Variants in KLHDC4 observed in about 807,000 individuals in gnomAD.
The protein encoded by KLHDC4 is kelch domain-containing protein 4.
A neutral mutation model predicts 62.4 loss-of-function variants in KLHDC4; 90 were observed. That is an observed-to-expected ratio of 1.44 (90% CI 1.22 to 1.72). The LOEUF (loss-of-function observed/expected upper bound fraction) is 1.72, where lower values mean the gene tolerates loss of function less well. KLHDC4 is among the 40% of genes most tolerant of loss of function. The pLI is 0.00. For missense variants in KLHDC4, 1,025 were observed against 699.7 expected (o/e 1.47, Z -5.25); for synonymous variants, 386 against 284.4 (o/e 1.36, Z -3.59).
At chr16:87,742,641 C>A (rs1465813307) in intron 5 of KLHDC4, among the ~76,000 whole-genome samples, 1 of 152,160 alleles carries the variant, frequency 6.6e-6, no homozygotes, top group Non-Finnish European at 1.5e-5. Flanking sequence ...AACCACACAT[C>A]AACCTGCTCT....
rs186425607 is a variant in KLHDC4 at position 87,749,451 on chromosome 16, G to C, written c.370-642C>G. On this transcript the variant is annotated intron_variant, in intron 4 of 11. Coordinates refer to ENST00000270583, the MANE Select transcript of KLHDC4 (RefSeq NM_017566.4). ...CACCTGTAGTCCCAGCTGCTTGGGA[G>C]GCTAAGGCAGAAGAATCGCTTGAAC... 5.5e-3 allele frequency among the ~76,000 whole-genome samples: 827 copies of C among 151,706 alleles called. 8 individuals are homozygous for C. The highest frequency in any genetic ancestry group is 0.02 in the African/African-American group (811 of 41,322).
intron 7 of KLHDC4, among the ~76,000 whole-genome samples, chr16:87,719,089 G>C (rs1424824555): frequency 6.6e-6 from 1 of 152,022 alleles, no homozygotes; most frequent in Non-Finnish European, 1.5e-5. Context: ...CCGTCTGGGA[G>C]GGAGGTGGTG....
chr16:87,762,844 G>T (rs994966216), intron 1 of KLHDC4, among the ~76,000 whole-genome samples: 1 of 152,032 alleles, frequency 6.6e-6, no homozygotes, highest in African/African-American at 2.4e-5. Flanking sequence ...GTTCCTTCTA[G>T]CCTTCAGTGT....
At chr16:87,741,825 C>G (rs1184341729) in intron 5 of KLHDC4, among the ~76,000 whole-genome samples, 1 of 152,214 alleles carries the variant, frequency 6.6e-6, no homozygotes. Flanking sequence ...TTCCCGCCAA[C>G]TTCACATCCT....
chr16:87,749,282 G>A lies in KLHDC4; in HGVS notation c.370-473C>T, dbSNP rs572860494. Among the ~76,000 whole-genome samples the A allele has an allele frequency of 9.2e-5, 14 of 152,132 alleles. No individual in the cohort carries two copies. In the South Asian group the frequency reaches 1.0e-3, roughly 11 times the overall value. On this transcript the variant is annotated intron_variant, in intron 4 of 11. Transcript: ENST00000270583. ...AAAAGAAAGTGTTTATGTGCCAGGC[G>A]CGGTGGCTCACACCTGTAATCCCAG...
chr16:87,718,031 G>C (rs2037350921), intron 7 of KLHDC4, among the ~76,000 whole-genome samples: 1 of 152,132 alleles, frequency 6.6e-6, no homozygotes, highest in South Asian at 2.1e-4. Flanking sequence ...CACACAGCTG[G>C]CTGGCCACAC....
At chr16:87,763,960 C>T (rs8061677) in intron 1 of KLHDC4, among the ~76,000 whole-genome samples, 103,790 of 152,064 alleles carry the variant, frequency 0.68, 37,085 homozygotes, top group African/African-American at 0.88. Flanking sequence ...CTAAAAGACA[C>T]TGTGGCTGGA....
At chr16:87,724,671 G>A (rs1369160766) in intron 7 of KLHDC4, among the ~76,000 whole-genome samples, 1 of 152,194 alleles carries the variant, frequency 6.6e-6, no homozygotes. Context: ...CAGAAAGACT[G>A]ACGCCATTGG....
At chr16:87,744,950 T>C (rs1326021479) in intron 5 of KLHDC4, among the ~76,000 whole-genome samples, 2 of 150,634 alleles carry the variant, frequency 1.3e-5, no homozygotes, top group African/African-American at 4.9e-5. Context: ...CACTCACATA[T>C]GCTCACACGT....
chr16:87,756,585 A>T (rs1322098450), intron 2 of KLHDC4, 108 bp from the exon 3 acceptor site: 1 of 765,892 alleles, frequency 1.3e-6, no homozygotes, highest in African/African-American at 1.8e-5. Flanking sequence ...CTGCCTCTAC[A>T]CTTCCTGAAA....
exon 1 of KLHDC4, chr16:87,701,305 T>TAGCAAG (rs769445257): frequency 7.9e-5 from 19 of 240,280 alleles, no homozygotes; most frequent in Non-Finnish European, 1.3e-4. Flanking sequence ...CCACCCAGGT[T>TAGCAAG]AGCAAGAGGG....
chr16:87,711,200 G>A (rs567539274), intron 9 of KLHDC4, 35 bp downstream of exon 9: 37 of 1,607,344 alleles, frequency 2.3e-5, no homozygotes, highest in Admixed American at 1.8e-4. Flanking sequence ...TTAGGGCTGC[G>A]CACCACGGCG....
intron 2 of KLHDC4, among the ~76,000 whole-genome samples, chr16:87,761,557 T>A (rs1463597563): frequency 2.0e-5 from 3 of 152,372 alleles, no homozygotes; most frequent in East Asian, 1.9e-4. Flanking sequence ...ACTTTTCACA[T>A]GAGAATTTGA....
intron 4 of KLHDC4, 72 bp from the exon 5 acceptor site, chr16:87,748,881 G>A: frequency 5.7e-6 from 9 of 1,583,248 alleles, no homozygotes; most frequent in Non-Finnish European, 6.0e-6. Flanking sequence ...GTGACCGGTA[G>A]TGGTGAGCGC....
At chr16:87,701,221 G>A (rs924186411) in exon 1 of KLHDC4, 1 of 225,578 alleles carries the variant, frequency 4.4e-6, no homozygotes, top group East Asian at 1.1e-4. Flanking sequence ...GCTTCCCGAT[G>A]AGCAGAGGCG....
At chr16:87,755,716 C>T (rs2044772098) in intron 3 of KLHDC4, 2 of 180,294 alleles carry the variant, frequency 1.1e-5, no homozygotes, top group Middle Eastern at 2.7e-3. Context: ...AGGCGCCCGC[C>T]ACCACACCCC....
At chr16:87,751,324 A>G (rs2043892151) in intron 4 of KLHDC4, among the ~76,000 whole-genome samples, 1 of 152,126 alleles carries the variant, frequency 6.6e-6, no homozygotes, top group African/African-American at 2.4e-5. Flanking sequence ...AAATATAAAA[A>G]TTAGCCAGAC....
chr16:87,765,697 C>T (rs1006290740), intron 1 of KLHDC4, 95 bp downstream of exon 1: 1 of 1,245,458 alleles, frequency 8.0e-7, no homozygotes, highest in South Asian at 1.5e-5. Context: ...CGGCGCGGCT[C>T]CCACGGCCGA....
chr16:87,729,655 T>C (rs2039991297), intron 6 of KLHDC4, among the ~76,000 whole-genome samples: 1 of 152,242 alleles, frequency 6.6e-6, no homozygotes, highest in Non-Finnish European at 1.5e-5. Context: ...TGGGCAGCCA[T>C]GCCAGCTGCA....
Sources: allele counts gnomAD v4.1 joint callset (sites outside exome capture counted in the v4.1 genomes callset), GRCh38; gene constraint gnomAD v4.1.1; transcripts MANE v1.5; gene names NCBI Gene and HGNC (gene_info 2026-07-23, HGNC 2026-07-21).